The following PCLO variants were observed in gnomAD, a reference collection of about 807,000 sequenced individuals.
PCLO encodes piccolo presynaptic cytomatrix protein, also known as protein piccolo.
In PCLO, 82 loss-of-function variants were observed where a neutral mutation model predicts 427.5. The ratio of observed to expected loss-of-function variants is 0.19; its 90% CI spans 0.16 to 0.23. The LOEUF is 0.23. Ranked by LOEUF, PCLO falls within the 10% of genes least tolerant of loss-of-function variation. The probability of loss-of-function intolerance (pLI) is 1.00; values close to 1 mark genes in which losing one functional copy is unlikely to be tolerated. For missense variants in PCLO, 6,239 were observed against 6,115.9 expected, an observed-to-expected ratio of 1.02 and a Z score of -0.67; for synonymous variants, 2,357 against 2,155.4, an observed-to-expected ratio of 1.09 and a Z score of -2.59.
At chr7:82,991,146 C>T (rs1056282440) in intron 3 of PCLO, among the ~76,000 whole-genome samples, 8 of 152,190 alleles carry the variant, frequency 5.3e-5, no homozygotes, top group African/African-American at 1.9e-4. Context: ...TGTCAATTAG[C>T]TGTGGCCTTT....
rs370216118 is a variant in PCLO, at chr7:82,916,319, C to T, written c.11667G>A (p.Gln3889=). The change falls in exon 7 of 25, where the codon CAG becomes CAA. Residue 3889 remains glutamine (Q), a synonymous_variant. Coordinates refer to ENST00000333891, the MANE Select transcript of PCLO (RefSeq NM_033026.6). ...VPPTSPYTQY[Q]YSSPALPTQA... ...GGGTAGGAAGAGCAGGGGAAGAGTA[C>T]TGGTATTGTGTGTAAGGACTTGTCG... The T allele has an allele frequency of 6.2e-6, 10 of 1,613,374 alleles. No individual in the cohort carries two copies. The South Asian group carries it at 9.9e-5, about 16-fold the overall frequency.
chr7:83,057,414 T>C (rs867531942), intron 3 of PCLO, among the ~76,000 whole-genome samples: 9 of 125,794 alleles, frequency 7.2e-5, no homozygotes, highest in South Asian at 3.0e-4. Flanking sequence ...CAGGCTGGAG[T>C]GCAGTGGCGC....
At chr7:82,990,641 T>C (rs1177610695) in intron 3 of PCLO, among the ~76,000 whole-genome samples, 1 of 152,164 alleles carries the variant, frequency 6.6e-6, no homozygotes, top group Non-Finnish European at 1.5e-5. Context: ...AAAACTTTTG[T>C]CCTCTACCAT....
Position 82,956,849 on chromosome 7 carries a change from A to G in PCLO, c.4104T>C (p.Asp1368=), listed in dbSNP as rs369612191. 5.1e-5 allele frequency: 83 copies of G among 1,613,686 alleles called. No individual in the cohort carries two copies. Among genetic ancestry groups the G allele is most frequent in the Non-Finnish European group, 6.7e-5 (79 of 1,179,730 alleles). ...QGLSDTGYSS[D]GISSSLGEIP... is the part of the protein sequence containing the mutation. ...TTTCACCAAGTGAGCTTGATATTCC[A>G]TCGGAAGAATATCCCGTGTCGCTCA... The change falls in exon 5 of 25, where the codon GAT becomes GAC. Residue 1368 remains aspartate (D), a synonymous_variant. Coordinates refer to ENST00000333891, the MANE Select transcript of PCLO (RefSeq NM_033026.6).
intron 22 of PCLO, among the ~76,000 whole-genome samples, chr7:82,766,358 A>T (rs1018024762): frequency 6.6e-6 from 1 of 152,022 alleles, no homozygotes; most frequent in African/African-American, 2.4e-5. Flanking sequence ...TTGAGTGAAC[A>T]CTGACAGAAA....
At chr7:83,032,642 A>G (rs1408924631) in intron 3 of PCLO, among the ~76,000 whole-genome samples, 1 of 152,140 alleles carries the variant, frequency 6.6e-6, no homozygotes, top group Non-Finnish European at 1.5e-5. Flanking sequence ...AAGGGCTACT[A>G]GAAATTTTTG....
chr7:83,141,299 T>C (rs920427319), intron 2 of PCLO, among the ~76,000 whole-genome samples: 1 of 152,226 alleles, frequency 6.6e-6, no homozygotes, highest in Non-Finnish European at 1.5e-5. Context: ...TAGATAGATG[T>C]CAAGCCTGAA....
In PCLO at chr7:82,952,370, T is replaced by C. The variant is rs538150594; in HGVS notation, c.8583A>G (p.Ala2861=). The change falls in exon 5 of 25, where the codon GCA becomes GCG. Residue 2861 remains alanine, a synonymous_variant. Coordinates refer to ENST00000333891, the MANE Select transcript of PCLO (RefSeq NM_033026.6). ...TTGTAATAGCCAATGTCACTGCATG[T>C]GCTGGAGTACCTAGAGATAAGTTTA... is the stretch of plus-strand genomic sequence containing the variant. ...APINLSLGTP[A]HAVTLAITKP... is the part of the protein sequence containing the mutation. 8.1e-6 allele frequency: 13 copies of C among 1,613,896 alleles called. No homozygotes were observed. The East Asian group carries it at 2.2e-4, about 28-fold the overall frequency.
At chr7:83,012,656 C>A (rs1037497538) in intron 3 of PCLO, among the ~76,000 whole-genome samples, 1 of 145,298 alleles carries the variant, frequency 6.9e-6, no homozygotes, top group South Asian at 2.2e-4. Flanking sequence ...GCCAGAAGCC[C>A]AGATTTTTAT....
intron 22 of PCLO, among the ~76,000 whole-genome samples, chr7:82,775,900 A>G (rs1048223713): frequency 2.0e-5 from 3 of 152,152 alleles, no homozygotes; most frequent in African/African-American, 7.2e-5. Flanking sequence ...TGTCTAGGTT[A>G]ACTTTTTTGC....
rs1339342965 is a variant in PCLO at position 83,080,081 on chromosome 7, A to G, written c.3300+54169T>C. 2.6e-5 allele frequency among the ~76,000 whole-genome samples: 4 copies of G among 152,296 alleles called. No individual in the cohort carries two copies. The East Asian group carries it at 7.7e-4, about 29-fold the overall frequency. Reference sequence around the variant, plus strand: ...CCTTTTCATGGCTGCATAGTATTCCATGGTGTATATGTAACACATTTTCTT... The same window carrying G: ...CCTTTTCATGGCTGCATAGTATTCCGTGGTGTATATGTAACACATTTTCTT... On this transcript the variant is annotated intron_variant, in intron 3 of 24. Transcript: ENST00000333891.
In PCLO at chr7:82,954,016, T is replaced by G; in HGVS notation, c.6937A>C (p.Ile2313Leu). ...CTGTAAGCTTCCAAAACTTCCAGAA[T>G]GATTCCATTCCCAGTTTCCTTCTTG... ...KAKKETGNGI[I>L]LEVLEAYRDK... The change falls in exon 5 of 25, where the codon ATT becomes CTT. Residue 2313 changes from isoleucine to leucine, a missense_variant. Around this residue, in one of 5 missense-constraint regions of PCLO, gnomAD observed 4,677 missense variants for 4,468.4 expected, o/e 1.05. Coordinates refer to ENST00000333891, the MANE Select transcript of PCLO (RefSeq NM_033026.6). 6.2e-7 allele frequency: 1 copy of G among 1,613,966 alleles called. No homozygotes were observed. Among genetic ancestry groups the G allele is most frequent in the Non-Finnish European group, 8.5e-7 (1 of 1,179,876 alleles).
In PCLO at chr7:82,832,123, C is replaced by A. The variant is rs151005875; in HGVS notation, c.14249+3544G>T. Among the ~76,000 whole-genome samples, 292 of 151,968 alleles carry A rather than the reference C, an allele frequency of 1.9e-3. 5 individuals are homozygous for A. The highest frequency in any genetic ancestry group is 6.6e-3 in the African/African-American group (275 of 41,430). On this transcript the variant is annotated intron_variant, in intron 16 of 24. Transcript: ENST00000333891. Reference sequence around the variant, plus strand: ...TGATTTAACATTAGGACAATTAGGACAATTATATCTAATAATTAAAGAAGT... The same window carrying A: ...TGATTTAACATTAGGACAATTAGGAAAATTATATCTAATAATTAAAGAAGT...
At chr7:82,800,952 C>T in intron 22 of PCLO, among the ~76,000 whole-genome samples, 1 of 151,632 alleles carries the variant, frequency 6.6e-6, no homozygotes, top group Non-Finnish European at 1.5e-5. Flanking sequence ...ATAGATACTC[C>T]TTTTATATGT....
rs186028932 is a variant in PCLO at position 82,965,280 on chromosome 7, G to A, written c.4017+491C>T. 6.2e-5 allele frequency among the ~76,000 whole-genome samples: 8 copies of A among 128,538 alleles called. No individual in the cohort carries two copies. The East Asian group carries it at 2.1e-3, about 34-fold the overall frequency. The allele number at this position is 128,538 out of a possible 152,430, so 84.3% of individuals were successfully genotyped here. A position where few individuals can be genotyped will look rare whatever the true frequency, so the allele number is the denominator to read the frequency against. On this transcript the variant is annotated intron_variant, in intron 4 of 24. Transcript: ENST00000333891. ...GACTTTTGCTTTGGATTTTAGTTACGTCATTTTTTTTTCCTTTTTTCTTTT... is the reference window on the plus strand; with the variant it reads ...GACTTTTGCTTTGGATTTTAGTTACATCATTTTTTTTTCCTTTTTTCTTTT...
chr7:82,825,355 A>G lies in PCLO; in HGVS notation c.14416-939T>C, dbSNP rs1791908254. ...GAAATGAAACATAAAGTCAGGCATA[A>G]TACTAATCTAGAGTACTCCTGCCTA... On this transcript the variant is annotated intron_variant, in intron 18 of 24. Transcript: ENST00000333891. Among the ~76,000 whole-genome samples, 4 of 152,158 alleles carry G rather than the reference A, an allele frequency of 2.6e-5. No individual in the cohort carries two copies. In the South Asian group the frequency reaches 8.3e-4, roughly 32 times the overall value.
chr7:82,950,882 C>T lies in PCLO; in HGVS notation c.9706G>A (p.Glu3236Lys), dbSNP rs1795325941. The change falls in exon 6 of 25, where the codon GAG becomes AAG. Residue 3236 changes from glutamate to lysine, a missense_variant. Glu to Lys is a moderately conservative substitution (Grantham distance 56). Coordinates refer to ENST00000333891, the MANE Select transcript of PCLO (RefSeq NM_033026.6). Reference sequence around the variant, plus strand: ...CTTTGAATTTCCTGACGTTCCCACTCCAATTCCTCAGCAAAGCGCTGTTGC... The same window carrying T: ...CTTTGAATTTCCTGACGTTCCCACTTCAATTCCTCAGCAAAGCGCTGTTGC... ...IKQQRFAEEL[E>K]WERQEIQRFR... The T allele has an allele frequency of 1.9e-6, 3 of 1,613,548 alleles. No individual in the cohort carries two copies. The highest frequency in any genetic ancestry group is 2.5e-6 in the Non-Finnish European group (3 of 1,179,874).
intron 3 of PCLO, among the ~76,000 whole-genome samples, chr7:83,065,682 A>G (rs968563548): frequency 2.0e-5 from 3 of 152,116 alleles, no homozygotes; most frequent in African/African-American, 7.2e-5. Context: ...AAATTTGGCC[A>G]GAAATAAATA....
intron 6 of PCLO, among the ~76,000 whole-genome samples, chr7:82,930,522 T>C (rs1794816625): frequency 6.6e-6 from 1 of 152,124 alleles, no homozygotes; most frequent in Non-Finnish European, 1.5e-5. Flanking sequence ...TAATACCAAA[T>C]TATCCAAGAG....
Sources: gnomAD v4.1 joint callset for allele counts (sites outside exome capture counted in the v4.1 genomes callset) on GRCh38, gnomAD v4.1.1 for gene constraint, gnomAD v4.1.1 regional missense constraint, MANE v1.5 for transcripts, NCBI Gene and HGNC (gene_info 2026-07-23, HGNC 2026-07-21) for gene names.